Variants in ALOX5 observed in about 807,000 individuals in gnomAD.
The protein encoded by ALOX5 is polyunsaturated fatty acid 5-lipoxygenase.
ALOX5 carries 64 observed loss-of-function variants against 87.9 expected under a neutral mutation model. The observed-to-expected ratio is 0.73, with a 90% CI of 0.60 to 0.90. ALOX5 has a LOEUF of 0.90. Ranked by LOEUF, ALOX5 falls within the 40% of genes least tolerant of loss-of-function variation. The pLI is 0.00. For missense variants in ALOX5, 822 were observed against 907.5 expected (o/e 0.91, Z 1.21); for synonymous variants, 388 against 355.1 (o/e 1.09, Z -1.04).
intron 4 of ALOX5, among the ~76,000 whole-genome samples, chr10:45,421,585 G>A (rs9282590): frequency 8.1e-4 from 123 of 152,360 alleles, no homozygotes; most frequent in African/African-American, 2.6e-3. Flanking sequence ...CTCAGCTGAC[G>A]AGGGGTGCTG....
intron 4 of ALOX5, among the ~76,000 whole-genome samples, chr10:45,422,000 C>T (rs1841522892): frequency 6.6e-6 from 1 of 152,196 alleles, no homozygotes; most frequent in African/African-American, 2.4e-5. Context: ...CTCTCCTGAG[C>T]ATCATGGCCT....
intron 5 of ALOX5, among the ~76,000 whole-genome samples, 197 bp from the exon 6 acceptor site, chr10:45,424,763 A>G (rs1476593325): frequency 6.6e-6 from 1 of 152,224 alleles, no homozygotes. Flanking sequence ...ACGAAGGGCC[A>G]GCTCAGGTAT....
intron 3 of ALOX5, among the ~76,000 whole-genome samples, chr10:45,403,030 C>T (rs1224743872): frequency 1.3e-5 from 2 of 152,206 alleles, no homozygotes; most frequent in Non-Finnish European, 2.9e-5. Flanking sequence ...GCTGGGAACA[C>T]TCATATACCA....
At chr10:45,421,830 T>C (rs947117899) in intron 4 of ALOX5, among the ~76,000 whole-genome samples, 1 of 152,182 alleles carries the variant, frequency 6.6e-6, no homozygotes, top group African/African-American at 2.4e-5. Flanking sequence ...GCACCTACTG[T>C]ATGCAGCCCA....
At chr10:45,381,409 A>G (rs186487136) in intron 1 of ALOX5, among the ~76,000 whole-genome samples, 71 of 152,348 alleles carry the variant, frequency 4.7e-4, no homozygotes, top group Non-Finnish European at 9.0e-4. Context: ...AACTGGAAAG[A>G]GAGGAAGTGG....
intron 4 of ALOX5, among the ~76,000 whole-genome samples, chr10:45,414,426 C>CA (rs1293633431): frequency 6.6e-6 from 1 of 152,114 alleles, no homozygotes; most frequent in Non-Finnish European, 1.5e-5. Flanking sequence ...ACACCTTATA[C>CA]AAAAATTAAT....
At chr10:45,407,491 T>G (rs1564427607) in intron 3 of ALOX5, among the ~76,000 whole-genome samples, 1 of 152,104 alleles carries the variant, frequency 6.6e-6, no homozygotes, top group Non-Finnish European at 1.5e-5. Flanking sequence ...TAAGGACGCA[T>G]GCCCGGGAGA....
At chr10:45,386,639 GTAAT>G (rs1227672849) in intron 2 of ALOX5, among the ~76,000 whole-genome samples, 3 of 151,886 alleles carry the variant, frequency 2.0e-5, no homozygotes, top group African/African-American at 4.8e-5. Context: ...CATTTTTCTA[GTAAT>G]TAATTTTTAT....
At chr10:45,415,800 T>A (rs1841267981) in intron 4 of ALOX5, among the ~76,000 whole-genome samples, 1 of 152,244 alleles carries the variant, frequency 6.6e-6, no homozygotes, top group African/African-American at 2.4e-5. Flanking sequence ...TTGCGCTTAG[T>A]ACATCAGCAC....
At chr10:45,390,991 CTCTCCCCTCTCCCCTCTCTCCTCTCCCA>C (rs1333203064) in intron 2 of ALOX5, among the ~76,000 whole-genome samples, 26 of 50,162 alleles carry the variant, frequency 5.2e-4, no homozygotes, top group African/African-American at 2.1e-3. Context: ...TCCCTCTCCC[CTCTCCCCTCTCCCCTCTCTCCTCTCCCA>C]TCTCCCCTCT....
chr10:45,377,216 A>G (rs1403960184), intron 1 of ALOX5, among the ~76,000 whole-genome samples: 2 of 152,176 alleles, frequency 1.3e-5, no homozygotes, highest in Non-Finnish European at 2.9e-5. Flanking sequence ...AATTAATTCT[A>G]GAATACCTCC....
intron 1 of ALOX5, among the ~76,000 whole-genome samples, chr10:45,378,897 G>C (rs989346255): frequency 3.9e-5 from 6 of 152,196 alleles, no homozygotes; most frequent in African/African-American, 1.4e-4. Flanking sequence ...GTCCCTGTCA[G>C]ATGGCAGATG....
chr10:45,404,512 T>C (rs919700545), intron 3 of ALOX5, among the ~76,000 whole-genome samples: 4 of 152,214 alleles, frequency 2.6e-5, no homozygotes, highest in Non-Finnish European at 4.4e-5. Flanking sequence ...AGTGTAGGTG[T>C]TTGTTAATCG....
At chr10:45,403,505 A>G (rs1158946609) in intron 3 of ALOX5, among the ~76,000 whole-genome samples, 3 of 152,154 alleles carry the variant, frequency 2.0e-5, no homozygotes. Flanking sequence ...GGGTGAGGGT[A>G]CGGACAATGT....
At chr10:45,408,976 A>G (rs1175621543) in intron 3 of ALOX5, among the ~76,000 whole-genome samples, 1 of 152,150 alleles carries the variant, frequency 6.6e-6, no homozygotes, top group Non-Finnish European at 1.5e-5. Flanking sequence ...CTCCTTACAT[A>G]TTTTAAATTC....
chr10:45,437,303 C>A (rs1842089280), intron 7 of ALOX5, among the ~76,000 whole-genome samples: 1 of 152,132 alleles, frequency 6.6e-6, no homozygotes. Flanking sequence ...CAGTGAGCTG[C>A]GATCACACCA....
chr10:45,434,449 G>T (rs1017705384), intron 7 of ALOX5, among the ~76,000 whole-genome samples: 5 of 152,234 alleles, frequency 3.3e-5, no homozygotes, highest in African/African-American at 1.2e-4. Context: ...AGGATTGAGT[G>T]AGTGAGCCCT....
At chr10:45,420,271 A>T (rs1315137921) in intron 4 of ALOX5, among the ~76,000 whole-genome samples, 1 of 152,242 alleles carries the variant, frequency 6.6e-6, no homozygotes, top group Non-Finnish European at 1.5e-5. Context: ...TTGTTTGGAA[A>T]ATGTAGGGTG....
chr10:45,421,115 CCTT>C (rs1388220748), intron 4 of ALOX5, among the ~76,000 whole-genome samples: 6 of 152,238 alleles, frequency 3.9e-5, no homozygotes, highest in African/African-American at 1.4e-4. Context: ...CTTGCAGGGT[CCTT>C]CTTTTTACAA....
Sources: gnomAD v4.1 joint callset for allele counts (sites outside exome capture counted in the v4.1 genomes callset) on GRCh38, gnomAD v4.1.1 for gene constraint, MANE v1.5 for transcripts, NCBI Gene and HGNC (gene_info 2026-07-23, HGNC 2026-07-21) for gene names.